Variants in SLC36A1 observed in about 807,000 individuals in gnomAD.
SLC36A1 encodes the protein proton-coupled amino acid transporter 1.
A neutral mutation model predicts 47.5 loss-of-function variants in SLC36A1; 30 were observed. That is an observed-to-expected ratio of 0.63 (90% confidence interval 0.47 to 0.86). The LOEUF is 0.86. Ranked by LOEUF, SLC36A1 falls within the 40% of genes least tolerant of loss-of-function variation. The pLI, the probability that SLC36A1 is intolerant of heterozygous loss-of-function variation, is 0.00. For missense variants in SLC36A1, 517 were observed against 606.0 expected (o/e 0.85, Z 1.54); for synonymous variants, 255 against 249.7 (o/e 1.02, Z -0.20).
the SLC36A1 span, chr5:151,545,498 A>G: frequency 3.9e-4 from 628 of 1,614,130 alleles, no homozygotes; most frequent in Non-Finnish European, 4.6e-4. Flanking sequence ...GCTACCTCAT[A>G]TATCTGTTCT....
chr5:151,452,337 T>G (rs1377838499), intron 1 of SLC36A1: 1 of 152,242 alleles, frequency 6.6e-6, no homozygotes, highest in Non-Finnish European at 1.5e-5. Flanking sequence ...TTGTTCATGT[T>G]TTTAGAATTC....
At chr5:151,534,641 C>A in the SLC36A1 span, 2 of 1,603,248 alleles carry the variant, frequency 1.2e-6, no homozygotes, top group Non-Finnish European at 1.7e-6. Flanking sequence ...TGGTCAGCTC[C>A]CCTGGTCGGA....
In SLC36A1 at chr5:151,490,162, G is replaced by A. The variant is rs1232334852; in HGVS notation, c.*1908G>A. 3.9e-5 allele frequency: 6 copies of A among 152,210 alleles called. No individual in the cohort carries two copies. Among genetic ancestry groups the A allele is most frequent in the Admixed American group, 2.0e-4 (3 of 15,284 alleles). The allele number at this position is 152,210 out of a possible 1,614,324, so 9.4% of individuals were successfully genotyped here. A position where few individuals can be genotyped will look rare whatever the true frequency, so the allele number is the denominator to read the frequency against. ...ACTTGTTCTTCCTTAGGAGAAGGAC[G>A]ATTTTCACCCACCCTTTCTGTTCTA... is the stretch of plus-strand genomic sequence containing the variant. On this transcript the variant is annotated 3_prime_UTR_variant, in exon 11 of 11. Coordinates refer to ENST00000243389, the MANE Select transcript of SLC36A1 (RefSeq NM_078483.4).
the SLC36A1 span, among the ~76,000 whole-genome samples, chr5:151,533,175 A>G: frequency 6.6e-6 from 1 of 152,150 alleles, no homozygotes; most frequent in Non-Finnish European, 1.5e-5. Context: ...CTGAGGAACC[A>G]TAGAAGGAAG....
chr5:151,379,506 T>A, the SLC36A1 span, among the ~76,000 whole-genome samples: 1 of 152,142 alleles, frequency 6.6e-6, no homozygotes, highest in African/African-American at 2.4e-5. Flanking sequence ...GCTAATTTTG[T>A]ATTTTTAGTA....
the SLC36A1 span, among the ~76,000 whole-genome samples, chr5:151,514,897 T>TATC: frequency 6.6e-6 from 1 of 152,260 alleles, no homozygotes; most frequent in African/African-American, 2.4e-5. Context: ...TTCACCACTA[T>TATC]ATCATTCCAC....
chr5:151,431,156 C>T, the SLC36A1 span: 1 of 152,198 alleles, frequency 6.6e-6, no homozygotes, highest in African/African-American at 2.4e-5. Flanking sequence ...CTTTGCTTGT[C>T]TGTCAAGAAC....
chr5:151,521,769 G>A, the SLC36A1 span: 1 of 1,614,002 alleles, frequency 6.2e-7, no homozygotes, highest in African/African-American at 1.3e-5. Flanking sequence ...TCGTGGTGAA[G>A]GTCCCATCGC....
the SLC36A1 span, among the ~76,000 whole-genome samples, chr5:151,533,658 G>A: frequency 6.6e-6 from 1 of 151,916 alleles, no homozygotes; most frequent in Non-Finnish European, 1.5e-5. Flanking sequence ...GATGCTGAGA[G>A]CATTTTTTTT....
chr5:151,549,424 G>C, the SLC36A1 span: 2 of 1,614,138 alleles, frequency 1.2e-6, no homozygotes, highest in Admixed American at 3.3e-5. Flanking sequence ...TGAGTGAAGC[G>C]GGGTGGGTGG....
the SLC36A1 span, chr5:151,380,955 TTG>T: frequency 2.5e-6 from 1 of 395,522 alleles, no homozygotes. Context: ...GCTAATTTGG[TTG>T]TGTGACAGGC....
chr5:151,354,770 C>T, the SLC36A1 span, among the ~76,000 whole-genome samples: 4 of 152,188 alleles, frequency 2.6e-5, no homozygotes, highest in Non-Finnish European at 4.4e-5. Flanking sequence ...GGAACCCCTG[C>T]ACATGCACAT....
chr5:151,359,721 C>A, the SLC36A1 span, among the ~76,000 whole-genome samples: 1 of 152,214 alleles, frequency 6.6e-6, no homozygotes, highest in African/African-American at 2.4e-5. Flanking sequence ...CTTTTTTAGA[C>A]ATTTCATATA....
At chr5:151,531,676 G>T in the SLC36A1 span, 8 of 1,613,646 alleles carry the variant, frequency 5.0e-6, no homozygotes, top group African/African-American at 8.0e-5. The surrounding 1 kb of genome is among the most constrained non-coding windows in gnomAD (Gnocchi z 5.7). Flanking sequence ...AGTGAGGGTG[G>T]CCAGCTGCAG....
the SLC36A1 span, among the ~76,000 whole-genome samples, chr5:151,536,783 T>C: frequency 2.0e-5 from 3 of 152,240 alleles, no homozygotes; most frequent in Non-Finnish European, 4.4e-5. Flanking sequence ...CATAGATACC[T>C]TGAGATCATG....
At chr5:151,462,092 A>G (rs886097586) in intron 2 of SLC36A1, among the ~76,000 whole-genome samples, 5 of 152,190 alleles carry the variant, frequency 3.3e-5, no homozygotes, top group Non-Finnish European at 7.3e-5. Context: ...AATAGATAAT[A>G]CATATCTGTT....
the SLC36A1 span, among the ~76,000 whole-genome samples, chr5:151,394,242 T>C: frequency 1.3e-5 from 2 of 152,258 alleles, no homozygotes; most frequent in African/African-American, 4.8e-5. Flanking sequence ...ATGCCATGGT[T>C]TTCAGCTCCA....
At chr5:151,384,540 T>C in the SLC36A1 span, among the ~76,000 whole-genome samples, 1 of 152,226 alleles carries the variant, frequency 6.6e-6, no homozygotes, top group East Asian at 1.9e-4. Context: ...AGCATCATCC[T>C]TCAGATTCAG....
chr5:151,349,066 G>A, the SLC36A1 span, among the ~76,000 whole-genome samples: 1 of 152,154 alleles, frequency 6.6e-6, no homozygotes, highest in African/African-American at 2.4e-5. Context: ...TGACCTGCTC[G>A]TTTACAGCCT....
Sources: gnomAD v4.1 joint callset for allele counts (sites outside exome capture counted in the v4.1 genomes callset) on GRCh38, gnomAD v4.1.1 for gene constraint, Gnocchi (gnomAD v3.1) non-coding constraint, MANE v1.5 for transcripts, NCBI Gene and HGNC (gene_info 2026-07-23, HGNC 2026-07-21) for gene names.